Variants in KATNIP observed in about 807,000 individuals in gnomAD.
KATNIP encodes the protein katanin-interacting protein.
KATNIP carries 126 observed loss-of-function variants against 174.0 expected under a neutral mutation model. The ratio of observed to expected loss-of-function variants is 0.72; its 90% CI spans 0.63 to 0.84. The LOEUF (loss-of-function observed/expected upper bound fraction) is 0.84, where lower values mean the gene tolerates loss of function less well. Ranked by LOEUF, KATNIP falls within the 40% of genes least tolerant of loss-of-function variation. KATNIP has a pLI of 0.00. For synonymous variants in KATNIP, 810 were observed against 835.7 expected (o/e 0.97, Z 0.53); for missense variants, 1,958 against 2,109.7 (o/e 0.93, Z 1.41).
rs552116911 is a variant in KATNIP, at chr16:27,673,674, C to A, written c.541-4055C>A. On this transcript the variant is annotated intron_variant, in intron 6 of 27. Coordinates refer to ENST00000261588, the MANE Select transcript of KATNIP (RefSeq NM_015202.5). The stretch of plus-strand genomic sequence containing the variant: ...AGGACACCTCTCCCCCAGTTGTGAT[C>A]AAAAAAATCTCAAGTCATTGCTGGA... 2.0e-3 allele frequency among the ~76,000 whole-genome samples: 306 copies of A among 152,192 alleles called. 1 individual carries two copies. The highest frequency in any genetic ancestry group is 7.1e-3 in the African/African-American group (296 of 41,498).
Position 27,662,380 on chromosome 16 carries a change from G to A in KATNIP, c.540+13645G>A, listed in dbSNP as rs77119521. ...GAGGAAGAGCTCTTTCTCCTTGACAGTGGCTCTTGACCTAGCCCGTCTGTT... is the reference window on the plus strand; with the variant it reads ...GAGGAAGAGCTCTTTCTCCTTGACAATGGCTCTTGACCTAGCCCGTCTGTT... On this transcript the variant is annotated intron_variant, in intron 6 of 27. Transcript: ENST00000261588. 5.3e-4 allele frequency among the ~76,000 whole-genome samples: 80 copies of A among 152,116 alleles called. 1 individual carries two copies. Among genetic ancestry groups the A allele is most frequent in the African/African-American group, 1.8e-3 (76 of 41,474 alleles).
chr16:27,740,566 C>T lies in KATNIP; in HGVS notation c.2269C>T (p.Pro757Ser). ...PPGKTPSWLQ[P>S]SPTGKDRKQG... is the part of the protein sequence containing the mutation. ...CGGGAAAACCCCATCCTGGTTACAA[C>T]CTTCTCCCACCGGCAAGGACAGGAA... The change falls in exon 15 of 28, where the codon CCT becomes TCT. Residue 757 changes from proline (P) to serine (S), a missense_variant. By Grantham distance (74) the Pro-to-Ser change is moderately conservative (BLOSUM62 -1). Around this residue, in one of 3 missense-constraint regions of KATNIP, gnomAD observed 1,557 missense variants for 1,617.8 expected, o/e 0.96. Transcript: ENST00000261588. The T allele has an allele frequency of 1.9e-6, 3 of 1,614,180 alleles. No homozygotes were observed. Among genetic ancestry groups the T allele is most frequent in the Non-Finnish European group, 2.5e-6 (3 of 1,180,042 alleles).
At chr16:27,745,488 C>A (rs1045781585) in intron 15 of KATNIP, among the ~76,000 whole-genome samples, 1 of 152,260 alleles carries the variant, frequency 6.6e-6, no homozygotes, top group Admixed American at 6.5e-5. Context: ...TCCAAAGTCT[C>A]AGGGGAGAAG....
chr16:27,632,134 A>T (rs1597000933), intron 5 of KATNIP, among the ~76,000 whole-genome samples: 1 of 152,184 alleles, frequency 6.6e-6, no homozygotes, highest in Admixed American at 6.5e-5. Context: ...ATAGTTCTGG[A>T]TATTTTACCT....
intron 6 of KATNIP, among the ~76,000 whole-genome samples, chr16:27,660,754 C>G (rs1030942901): frequency 1.3e-5 from 2 of 151,800 alleles, no homozygotes; most frequent in Non-Finnish European, 2.9e-5. Flanking sequence ...CCCAAGCCAT[C>G]CCCCTCAAGT....
rs183949768 is a variant in KATNIP, at chr16:27,696,547, G to A, written c.941-1781G>A. Among the ~76,000 whole-genome samples, 46 of 152,010 alleles carry A rather than the reference G, an allele frequency of 3.0e-4. No individual in the cohort carries two copies. In the East Asian group the frequency reaches 5.4e-3, roughly 18 times the overall value. ...GTCTGTTGTTCCCCTGCTAGTATCC[G>A]TGTGTTCTCATTGTTTAGCTTATAA... On this transcript the variant is annotated intron_variant, in intron 8 of 27. Coordinates refer to ENST00000261588, the MANE Select transcript of KATNIP (RefSeq NM_015202.5).
chr16:27,572,350 G>C (rs1202695730), intron 1 of KATNIP, among the ~76,000 whole-genome samples: 1 of 85,864 alleles, frequency 1.2e-5, no homozygotes, highest in Non-Finnish European at 2.5e-5. Context: ...TTTGTCTTAA[G>C]GCAAAAAAGA....
chr16:27,610,119 G>A (rs1002386716), intron 2 of KATNIP, among the ~76,000 whole-genome samples: 2 of 152,092 alleles, frequency 1.3e-5, no homozygotes, highest in Non-Finnish European at 2.9e-5. Context: ...CCTTGACTCT[G>A]AGTGGGACAG....
intron 5 of KATNIP, among the ~76,000 whole-genome samples, chr16:27,646,683 G>A (rs185370797): frequency 1.3e-5 from 2 of 152,352 alleles, no homozygotes; most frequent in Non-Finnish European, 2.9e-5. Flanking sequence ...TGGCCACATG[G>A]TAGGGAACCT....
intron 1 of KATNIP, among the ~76,000 whole-genome samples, chr16:27,568,193 G>T (rs1190432440): frequency 6.6e-6 from 1 of 152,034 alleles, no homozygotes; most frequent in Non-Finnish European, 1.5e-5. Context: ...TATATAAGGA[G>T]TAGAATATGA....
intron 8 of KATNIP, among the ~76,000 whole-genome samples, chr16:27,683,035 A>T (rs532884684): frequency 1.3e-5 from 2 of 152,326 alleles, no homozygotes; most frequent in South Asian, 4.1e-4. Context: ...AACTATAAGA[A>T]ATAAATTCCT....
Position 27,777,764 on chromosome 16 carries a change from C to T in KATNIP, c.4706C>T (p.Thr1569Ile), listed in dbSNP as rs1370218208. The T allele has an allele frequency of 6.2e-7, 1 of 1,613,598 alleles. No homozygotes were observed. Among genetic ancestry groups the T allele is most frequent in the Non-Finnish European group, 8.5e-7 (1 of 1,179,706 alleles). Residue 1569 changes from threonine to isoleucine, a missense_variant, in exon 26 of 28, where the codon ACC becomes ATC. Thr to Ile is a moderately conservative substitution (Grantham distance 89). Coordinates refer to ENST00000261588, the MANE Select transcript of KATNIP (RefSeq NM_015202.5). This position sits in a 1 kb window ranked among gnomAD's most constrained non-coding sequence, Gnocchi z 4.4. The part of the protein sequence containing the change: ...RDIRHQEKHT[T>I]ISNQAEDQDV... ...ATCCGCCACCAGGAGAAACACACCA[C>T]CATCAGGTAGGGCCCCAGCCGGCCC...
intron 14 of KATNIP, among the ~76,000 whole-genome samples, chr16:27,725,556 G>A (rs1597305927): frequency 1.3e-5 from 2 of 152,278 alleles, no homozygotes; most frequent in Non-Finnish European, 2.9e-5. Flanking sequence ...GACAAAGCCG[G>A]GAAGGGAAAT....
intron 6 of KATNIP, among the ~76,000 whole-genome samples, chr16:27,657,508 A>C (rs563183707): frequency 1.6e-4 from 24 of 152,102 alleles, no homozygotes; most frequent in African/African-American, 5.5e-4. Context: ...CGGGTGGATC[A>C]CCAAGGTCAG....
At chr16:27,615,602 C>G (rs1046765397) in intron 2 of KATNIP, among the ~76,000 whole-genome samples, 2 of 152,130 alleles carry the variant, frequency 1.3e-5, no homozygotes, top group African/African-American at 4.8e-5. Context: ...GATCGGCCCA[C>G]CTCAGCCTTC....
intron 5 of KATNIP, among the ~76,000 whole-genome samples, chr16:27,635,679 C>T (rs1311963264): frequency 1.3e-5 from 2 of 151,938 alleles, no homozygotes; most frequent in African/African-American, 2.4e-5. Flanking sequence ...GACTGCTTAA[C>T]TGGGAGGAGG....
intron 6 of KATNIP, among the ~76,000 whole-genome samples, chr16:27,672,715 T>G (rs2077966093): frequency 6.6e-6 from 1 of 152,184 alleles, no homozygotes; most frequent in Non-Finnish European, 1.5e-5. Context: ...ACTTAATCGC[T>G]GTGAGAAGTT....
chr16:27,777,608 A>G lies in KATNIP; in HGVS notation c.4552-2A>G. On this transcript the variant is annotated splice_acceptor_variant, in intron 25 of 27. Coordinates refer to ENST00000261588, the MANE Select transcript of KATNIP (RefSeq NM_015202.5). LOFTEE classifies it high-confidence loss of function. The surrounding 1 kb of genome is among the most constrained non-coding windows in gnomAD (Gnocchi z 4.4). The stretch of plus-strand genomic sequence containing the variant: ...CATGAGTCCTGCCCCGTGTCCCTGC[A>G]GCTCCTGGTGGACGACCTGCTTGTG... 3.7e-6 allele frequency: 6 copies of G among 1,605,368 alleles called. No homozygotes were observed. Among genetic ancestry groups the G allele is most frequent in the Non-Finnish European group, 5.1e-6 (6 of 1,175,142 alleles).
At chr16:27,749,110 CT>C (rs997005273) in intron 15 of KATNIP, among the ~76,000 whole-genome samples, 16 of 152,226 alleles carry the variant, frequency 1.1e-4, no homozygotes, top group African/African-American at 3.6e-4. Flanking sequence ...AGCATTGCCC[CT>C]GGTCATGTGA....
Sources: gnomAD v4.1 joint callset for allele counts (sites outside exome capture counted in the v4.1 genomes callset) on GRCh38, gnomAD v4.1.1 for gene constraint, gnomAD v4.1.1 regional missense constraint, Gnocchi (gnomAD v3.1) non-coding constraint, MANE v1.5 for transcripts, NCBI Gene and HGNC (gene_info 2026-07-23, HGNC 2026-07-21) for gene names.